ATP11C: variants seen among roughly 807,000 people sequenced by gnomAD.
ATP11C encodes phospholipid-transporting ATPase IG.
ATP11C carries 36 observed loss-of-function variants against 97.4 expected under a neutral mutation model. The observed-to-expected ratio is 0.37, with a 90% CI of 0.28 to 0.49. The LOEUF (loss-of-function observed/expected upper bound fraction) is 0.49. ATP11C is among the 20% of genes least tolerant of loss of function. The pLI is 0.98. For missense variants in ATP11C, 730 were observed against 824.6 expected (o/e 0.89, Z 1.40); for synonymous variants, 275 against 290.9 (o/e 0.95, Z 0.56).
chrX:139,744,782 CTG>C (rs2081644741), intron 25 of ATP11C, among the ~76,000 whole-genome samples: 2 of 111,743 alleles, frequency 1.8e-5, no homozygotes, highest in African/African-American at 6.5e-5. Flanking sequence ...TAAAGCAGAT[CTG>C]TGTTTCCCCA....
rs1229747353 is a variant in ATP11C, at chrX:139,866,346, A to AAAAAAAAAAAAAAAC, written c.28-39524_28-39523insGTTTTTTTTTTTTTT. On this transcript the variant is annotated intron_variant, in intron 1 of 29. Coordinates refer to ENST00000682941, the MANE Select transcript of ATP11C (RefSeq NM_001353812.2). ...GTGACAGAGAAAGACTCTGTCTCAA[A>AAAAAAAAAAAAAAAC]AAAAAAAAAAAAAAAAAAAAACAGA... Among the ~76,000 whole-genome samples, 17 of 83,488 alleles carry AAAAAAAAAAAAAAAC rather than the reference A, an allele frequency of 2.0e-4. 1 individual carries two copies. In the East Asian group the frequency reaches 3.2e-3, roughly 16 times the overall value. The allele number at this position is 83,488 out of a possible 115,157, so 72.5% of individuals were successfully genotyped here. A position where few individuals can be genotyped will look rare whatever the true frequency, so the allele number is the denominator to read the frequency against.
At position 139,761,938 on chromosome X, in the gene ATP11C, A is replaced by T. The variant is rs2082046654; in HGVS notation, c.2640+23T>A. 2.8e-6 allele frequency: 3 copies of T among 1,072,252 alleles called. No homozygotes were observed. The East Asian group carries it at 9.4e-5, about 33-fold the overall frequency. The allele number at this position is 1,072,252 out of a possible 1,213,427, so 88.4% of individuals were successfully genotyped here. A position where few individuals can be genotyped will look rare whatever the true frequency, so the allele number is the denominator to read the frequency against. On this transcript the variant is annotated intron_variant, in intron 22 of 29. Transcript: ENST00000682941. ...CAATGCTGGATTAAAAAGAAATTAA[A>T]TTACATATATTTTATCACATACCTT... is the stretch of plus-strand genomic sequence containing the variant.
At chrX:139,802,492 T>C (rs1179672252) in intron 6 of ATP11C, among the ~76,000 whole-genome samples, 153 bp from the exon 7 acceptor site, 1 of 112,146 alleles carries the variant, frequency 8.9e-6, no homozygotes, top group African/African-American at 3.2e-5. Context: ...ATAAGTTTTA[T>C]GGTATTATTA....
chrX:139,922,223 A>AATATATATATATAT (rs201394639), intron 1 of ATP11C, among the ~76,000 whole-genome samples: 21 of 43,749 alleles, frequency 4.8e-4, no homozygotes, highest in Admixed American at 7.2e-4. Flanking sequence ...TCCTTCTCTA[A>AATATATATATATAT]ATATATATAT....
At chrX:139,808,135 A>G (rs934573868) in intron 5 of ATP11C, among the ~76,000 whole-genome samples, 3 of 111,248 alleles carry the variant, frequency 2.7e-5, no homozygotes, top group Non-Finnish European at 5.7e-5. Context: ...GACTGGGTAC[A>G]ACAAAGGAAA....
At chrX:139,882,566 A>G (rs2084577080) in intron 1 of ATP11C, among the ~76,000 whole-genome samples, 1 of 110,671 alleles carries the variant, frequency 9.0e-6, no homozygotes, top group Non-Finnish European at 1.9e-5. Context: ...CTGACTTTGC[A>G]CTCCCCAATA....
chrX:139,805,350 A>G (rs2083019581), intron 5 of ATP11C, among the ~76,000 whole-genome samples: 1 of 111,849 alleles, frequency 8.9e-6, no homozygotes, highest in Non-Finnish European at 1.9e-5. Flanking sequence ...CTGCCACTTA[A>G]CTATATGACC....
chrX:139,880,862 A>G (rs772220168), intron 1 of ATP11C, among the ~76,000 whole-genome samples: 1 of 112,263 alleles, frequency 8.9e-6, no homozygotes, highest in East Asian at 2.8e-4. Flanking sequence ...ACAATGGAGA[A>G]GCAAGTAATT....
intron 1 of ATP11C, among the ~76,000 whole-genome samples, chrX:139,884,363 C>A (rs191100305): frequency 8.9e-6 from 1 of 112,278 alleles, no homozygotes; most frequent in Non-Finnish European, 1.9e-5. Context: ...GTCAGATCTA[C>A]ATGGGCTAAG....
intron 1 of ATP11C, among the ~76,000 whole-genome samples, chrX:139,900,801 A>T (rs182509955): frequency 8.9e-6 from 1 of 112,290 alleles, no homozygotes; most frequent in East Asian, 2.8e-4. Flanking sequence ...TTACTTACCA[A>T]GTGTTATGAA....
At chrX:139,782,954 C>T (rs1250557707) in intron 17 of ATP11C, among the ~76,000 whole-genome samples, 1 of 111,784 alleles carries the variant, frequency 8.9e-6, no homozygotes, top group African/African-American at 3.3e-5. Context: ...TCTTTTAAGG[C>T]TGCAAATTCT....
chrX:139,787,174 C>T lies in ATP11C; in HGVS notation c.1591G>A (p.Glu531Lys). The T allele has an allele frequency of 8.3e-7, 1 of 1,204,480 alleles. No individual in the cohort carries two copies. Among genetic ancestry groups the T allele is most frequent in the Non-Finnish European group, 1.1e-6 (1 of 889,470 alleles). Reference sequence around the variant, plus strand: ...AACATCAAACACAGAGCTACTTACTCTTCTATTTCTTTTCTTTGGTTCTCT... The same window carrying T: ...AACATCAAACACAGAGCTACTTACTTTTCTATTTCTTTTCTTTGGTTCTCT... ...RVENQRKEIE[E>K]YELLHTLNFD... Residue 531 changes from glutamate (E) to lysine (K), a missense_variant and splice_region_variant, in exon 15 of 30, where the codon GAA becomes AAA. By Grantham distance (56) the Glu-to-Lys change is moderately conservative. Transcript: ENST00000682941.
At chrX:139,755,717 C>T (rs143346533) in intron 23 of ATP11C, among the ~76,000 whole-genome samples, 1,857 of 111,809 alleles carry the variant, frequency 0.017, 30 homozygotes, top group African/African-American at 0.057. Flanking sequence ...CAGAAACAAG[C>T]AATGGGGAAA....
chrX:139,868,143 AAT>A (rs2084314609), intron 1 of ATP11C, among the ~76,000 whole-genome samples: 1 of 111,740 alleles, frequency 8.9e-6, no homozygotes, highest in Non-Finnish European at 1.9e-5. Context: ...CATACATGAA[AAT>A]CAACACAAAA....
intron 1 of ATP11C, among the ~76,000 whole-genome samples, chrX:139,861,737 A>C (rs1236826449): frequency 1.9e-5 from 2 of 107,740 alleles, no homozygotes; most frequent in African/African-American, 6.9e-5. Context: ...GCACAAATCA[A>C]ATTCGTGTAG....
At chrX:139,884,254 G>A (rs1413728861) in intron 1 of ATP11C, among the ~76,000 whole-genome samples, 2 of 111,390 alleles carry the variant, frequency 1.8e-5, no homozygotes, top group African/African-American at 6.5e-5. Flanking sequence ...GAAACACACA[G>A]AAGCTCTTGG....
intron 5 of ATP11C, among the ~76,000 whole-genome samples, chrX:139,805,643 C>A (rs1321131560): frequency 8.9e-6 from 1 of 111,864 alleles, no homozygotes. Context: ...TGTACAGCAC[C>A]TTCAGGTAAA....
intron 18 of ATP11C, among the ~76,000 whole-genome samples, chrX:139,776,994 ATCC>A (rs2082361517): frequency 8.9e-6 from 1 of 111,868 alleles, no homozygotes; most frequent in Non-Finnish European, 1.9e-5. Flanking sequence ...CCACAGTCAT[ATCC>A]TCAAGGGAAA....
At chrX:139,910,194 T>C (rs557350703) in intron 1 of ATP11C, among the ~76,000 whole-genome samples, 12 of 111,415 alleles carry the variant, frequency 1.1e-4, no homozygotes, top group Admixed American at 1.1e-3. Flanking sequence ...GGGTGTCAAA[T>C]TGAGAACCAG....
Sources: gnomAD v4.1 joint callset for allele counts (sites outside exome capture counted in the v4.1 genomes callset) on GRCh38, gnomAD v4.1.1 for gene constraint, MANE v1.5 for transcripts, NCBI Gene and HGNC (gene_info 2026-07-23, HGNC 2026-07-21) for gene names.